DNAH17: variants seen among roughly 807,000 people sequenced by gnomAD.
DNAH17 encodes dynein axonemal heavy chain 17.
A neutral mutation model predicts 485.6 loss-of-function variants in DNAH17; 376 were observed. The ratio of observed to expected loss-of-function variants is 0.77; its 90% CI spans 0.71 to 0.84. The LOEUF is 0.84. Among genes scored for constraint, DNAH17 ranks in the 40% least tolerant of loss-of-function variants. The pLI, the probability that DNAH17 is intolerant of heterozygous loss-of-function variation, is 0.00. For synonymous variants in DNAH17, 3,031 were observed against 2,405.9 expected, an observed-to-expected ratio of 1.26 and a Z score of -7.60; for missense variants, 6,370 against 5,839.3, an observed-to-expected ratio of 1.09 and a Z score of -2.96.
Position 78,519,954 on chromosome 17 carries a change from A to G in DNAH17, c.3865-4932T>C, listed in dbSNP as rs2143183131. Among the ~76,000 whole-genome samples the G allele has an allele frequency of 1.3e-5, 2 of 152,244 alleles. 1 individual carries two copies. The highest frequency in any genetic ancestry group is 4.2e-4 in the South Asian group (2 of 4,804). On this transcript the variant is annotated intron_variant, in intron 25 of 80. Transcript: ENST00000389840. Reference sequence around the variant, plus strand: ...GTGAAACCCTGTCTCTATTAAAAATACAAAAAATTAGCTGGGTGTGGTGGT... The same window carrying G: ...GTGAAACCCTGTCTCTATTAAAAATGCAAAAAATTAGCTGGGTGTGGTGGT...
chr17:78,485,276 C>T (rs567574655), intron 47 of DNAH17: 10 of 629,066 alleles, frequency 1.6e-5, no homozygotes, highest in East Asian at 8.4e-5. Flanking sequence ...TTTGGGTCGC[C>T]TTAGATTGGC....
At chr17:78,468,537 T>C (rs748611226) in intron 55 of DNAH17, 80 bp downstream of exon 55, 77 of 1,471,020 alleles carry the variant, frequency 5.2e-5, no homozygotes, top group South Asian at 2.3e-4. Flanking sequence ...TCCTGCTCTA[T>C]GCAGAGCAAA....
In DNAH17 at chr17:78,561,855, G is replaced by T. The variant is rs769101611; in HGVS notation, c.1695C>A (p.Ala565=). 1.2e-6 allele frequency: 2 copies of T among 1,613,840 alleles called. No individual in the cohort carries two copies. Among genetic ancestry groups the T allele is most frequent in the African/African-American group, 2.7e-5 (2 of 74,916 alleles). The change falls in exon 12 of 81, where the codon GCC becomes GCA. Residue 565 remains alanine, a synonymous_variant. Coordinates refer to ENST00000389840, the MANE Select transcript of DNAH17 (RefSeq NM_173628.4). The part of the protein sequence containing the change: ...ELDNAKILYD[A]QMAASEEGNI... ...TCCCCTCCTCGGAGGCCGCCATCTG[G>T]GCATCGTACAAGATCTTAGCATTGT...
At chr17:78,524,978 GC>G in intron 25 of DNAH17, 30 bp downstream of exon 25, 1 of 1,584,460 alleles carries the variant, frequency 6.3e-7, no homozygotes. Flanking sequence ...AGAATCCCGG[GC>G]CCCACCCACG....
At chr17:78,531,590 G>A (rs148515853) in intron 20 of DNAH17, among the ~76,000 whole-genome samples, 2,248 of 151,940 alleles carry the variant, frequency 0.015, 23 homozygotes, top group Admixed American at 0.04. Flanking sequence ...CAACCGCCTC[G>A]GCCTCCCAAA....
At position 78,480,694 on chromosome 17, in the gene DNAH17, G is replaced by T. The variant is rs1568123580; in HGVS notation, c.7742C>A (p.Ser2581Tyr). The part of the protein sequence containing the change: ...NPTSGSFTID[S>Y]RLQRHFCVFA... ...ATGGTTTCTGCTTACCTGAAGCCTG[G>T]AGTCGATGGTGAAGGATCCGGAAGT... is the stretch of plus-strand genomic sequence containing the variant. Residue 2581 changes from serine to tyrosine, a missense_variant, in exon 49 of 81, where the codon TCC becomes TAC. Physicochemically the swap from Ser to Tyr is moderately radical, Grantham distance 144. Transcript: ENST00000389840. 1.2e-6 allele frequency: 2 copies of T among 1,613,506 alleles called. No individual in the cohort carries two copies. The highest frequency in any genetic ancestry group is 1.7e-6 in the Non-Finnish European group (2 of 1,179,740).
rs533203420 is a variant in DNAH17 at position 78,502,617 on chromosome 17, C to T, written c.5164G>A (p.Ala1722Thr). 3.3e-5 allele frequency: 53 copies of T among 1,613,056 alleles called. No individual in the cohort carries two copies. Among genetic ancestry groups the T allele is most frequent in the South Asian group, 1.3e-4 (12 of 91,020 alleles). Residue 1722 changes from alanine to threonine, a missense_variant, in exon 33 of 81, where the codon GCT becomes ACT. Coordinates refer to ENST00000389840, the MANE Select transcript of DNAH17 (RefSeq NM_173628.4). The stretch of plus-strand genomic sequence containing the variant: ...TGCTTTTTGTTATAATCTCTGATAG[C>T]GTTTTCATAGCCTTCCTCCAGCCTG... ...FARLEEGYENAIRDYNKKQIS... is the reference protein window; with the variant it reads ...FARLEEGYENTIRDYNKKQIS...
rs188491614 is a variant in DNAH17, at chr17:78,454,096, A to G, written c.10406+374T>C. On this transcript the variant is annotated intron_variant, in intron 64 of 80. Coordinates refer to ENST00000389840, the MANE Select transcript of DNAH17 (RefSeq NM_173628.4). The stretch of plus-strand genomic sequence containing the variant: ...GGATTTTCCAGCACCGCTAGGAAGC[A>G]GGGCATCACTGTACCTGTGTCGTTA... Among the ~76,000 whole-genome samples, 146 of 152,314 alleles carry G rather than the reference A, an allele frequency of 9.6e-4. 1 individual carries two copies. The highest frequency in any genetic ancestry group is 5.8e-3 in the East Asian group (30 of 5,186).
intron 16 of DNAH17, among the ~76,000 whole-genome samples, chr17:78,551,225 G>A (rs76029017): frequency 3.3e-5 from 5 of 152,138 alleles, no homozygotes; most frequent in South Asian, 2.1e-4. Context: ...ACTGAGCAAC[G>A]GGCTCGTTCC....
intron 13 of DNAH17, among the ~76,000 whole-genome samples, chr17:78,560,485 C>T (rs980111094): frequency 2.6e-5 from 4 of 152,052 alleles, no homozygotes; most frequent in African/African-American, 4.8e-5. Context: ...TTTTTCCCCC[C>T]CCCCAGTTTC....
At chr17:78,430,737 T>C (rs1358566733) in intron 75 of DNAH17, among the ~76,000 whole-genome samples, 2 of 152,038 alleles carry the variant, frequency 1.3e-5, no homozygotes, top group Non-Finnish European at 2.9e-5. Context: ...CACACCACCA[T>C]AGCCAGCTAA....
At chr17:78,572,567 C>T in intron 3 of DNAH17, 134 bp downstream of exon 3, 2 of 867,068 alleles carry the variant, frequency 2.3e-6, no homozygotes, top group Non-Finnish European at 1.7e-6. Context: ...CCTGCATTTC[C>T]CCGGCTTTAA....
intron 17 of DNAH17, among the ~76,000 whole-genome samples, chr17:78,541,347 G>A (rs923180123): frequency 7.6e-5 from 11 of 144,830 alleles, no homozygotes; most frequent in Admixed American, 2.1e-4. Flanking sequence ...TGGATGAGTG[G>A]ACAGATGAAT....
chr17:78,438,442 G>GGA (rs2086934386), intron 73 of DNAH17, among the ~76,000 whole-genome samples: 1 of 106,236 alleles, frequency 9.4e-6, no homozygotes, highest in Non-Finnish European at 1.9e-5. Context: ...AGGAGGAGGA[G>GGA]GAGGGAGGAG....
rs1283920125 is a variant in DNAH17, at chr17:78,449,749, C to T, written c.11041-165G>A. Reference sequence around the variant, plus strand: ...CTGGAGTGCAGTGGCGTGATCTTGGCTCACTGCACCCTCTGCAGTGAGGGA... The same window carrying T: ...CTGGAGTGCAGTGGCGTGATCTTGGTTCACTGCACCCTCTGCAGTGAGGGA... On this transcript the variant is annotated intron_variant, in intron 68 of 80. Coordinates refer to ENST00000389840, the MANE Select transcript of DNAH17 (RefSeq NM_173628.4). 1.7e-5 allele frequency: 11 copies of T among 648,526 alleles called. No individual in the cohort carries two copies. The East Asian group carries it at 2.8e-4, about 17-fold the overall frequency. The allele number at this position is 648,526 out of a possible 1,614,324, so 40.2% of individuals were successfully genotyped here.
chr17:78,567,112 C>T lies in DNAH17; in HGVS notation c.1339G>A (p.Gly447Ser), dbSNP rs1243598044. The stretch of plus-strand genomic sequence containing the variant: ...CTCCCGAGGAGGTTCCCACGCACGC[C>T]CCCAAGCTCGATTTTCTCCAGCTTC... ...FLKLEKIELGGVRGNLLGSLV... is the reference protein window; with the variant it reads ...FLKLEKIELGSVRGNLLGSLV... The change falls in exon 10 of 81, where the codon GGC becomes AGC. Residue 447 changes from glycine to serine, a missense_variant. By Grantham distance (56) the Gly-to-Ser change is moderately conservative (BLOSUM62 0). Transcript: ENST00000389840. 2 of 1,611,614 alleles carry T rather than the reference C, an allele frequency of 1.2e-6. No homozygotes were observed. Among genetic ancestry groups the T allele is most frequent in the African/African-American group, 1.3e-5 (1 of 74,862 alleles).
chr17:78,447,818 A>G (rs1192568546), intron 69 of DNAH17, among the ~76,000 whole-genome samples: 2 of 152,222 alleles, frequency 1.3e-5, no homozygotes, highest in Non-Finnish European at 2.9e-5. Flanking sequence ...CAACCTGTTT[A>G]TACAATTAGT....
chr17:78,494,325 C>A, intron 40 of DNAH17, 152 bp from the exon 41 acceptor site: 2 of 1,222,042 alleles, frequency 1.6e-6, no homozygotes, highest in Non-Finnish European at 2.2e-6. Context: ...GCTGTCAATG[C>A]CGAGAGTTGA....
chr17:78,530,460 T>C lies in DNAH17; in HGVS notation c.3167A>G (p.Lys1056Arg), dbSNP rs939442085. The change falls in exon 21 of 81, where the codon AAG (lysine) becomes AGG (arginine). Residue 1056 changes from lysine to arginine, a missense_variant. Physicochemically the swap from Lys to Arg is conservative, Grantham distance 26. Coordinates refer to ENST00000389840, the MANE Select transcript of DNAH17 (RefSeq NM_173628.4). ...YEEVSKCENT[K>R]VFHGWLQCDC... ...GCACTGCAGCCAGCCGTGGAACACC[T>C]TGGTGTTCTCGCACTTGGACACCTC... is the stretch of plus-strand genomic sequence containing the variant. 1 of 1,613,440 alleles carries C rather than the reference T, an allele frequency of 6.2e-7. No individual in the cohort carries two copies. The highest frequency in any genetic ancestry group is 8.5e-7 in the Non-Finnish European group (1 of 1,179,588).
Sources: gnomAD v4.1 joint callset for allele counts (sites outside exome capture counted in the v4.1 genomes callset) on GRCh38, gnomAD v4.1.1 for gene constraint, MANE v1.5 for transcripts, NCBI Gene and HGNC (gene_info 2026-07-23, HGNC 2026-07-21) for gene names.